The following WDPCP variants were observed in gnomAD, a reference collection of about 807,000 sequenced individuals.
WDPCP encodes WD repeat-containing and planar cell polarity effector protein fritz homolog.
A neutral mutation model predicts 93.1 loss-of-function variants in WDPCP; 71 were observed. The observed-to-expected ratio is 0.76, with a 90% CI of 0.63 to 0.93. WDPCP has a LOEUF of 0.93. Among genes scored for constraint, WDPCP ranks in the 40% least tolerant of loss-of-function variants. The probability of loss-of-function intolerance (pLI) is 0.00; values close to 1 mark genes in which losing one functional copy is unlikely to be tolerated. For missense variants in WDPCP, 844 were observed against 887.4 expected, an observed-to-expected ratio of 0.95 and a Z score of 0.62; for synonymous variants, 315 against 315.0, an observed-to-expected ratio of 1.00 and a Z score of 0.00.
At chr2:63,753,496 T>C (rs1427201724) in intron 2 of WDPCP, among the ~76,000 whole-genome samples, 1 of 152,162 alleles carries the variant, frequency 6.6e-6, no homozygotes, top group East Asian at 1.9e-4. Flanking sequence ...GAGGTTCAAC[T>C]GGCTCATGGT....
At chr2:63,280,132 G>A (rs1324765184) in intron 13 of WDPCP, among the ~76,000 whole-genome samples, 1 of 151,924 alleles carries the variant, frequency 6.6e-6, no homozygotes, top group Non-Finnish European at 1.5e-5. Context: ...GAATTCATAC[G>A]GAACCAAAAA....
At chr2:63,585,142 T>C (rs1246354055) in intron 1 of WDPCP, among the ~76,000 whole-genome samples, 2 of 152,206 alleles carry the variant, frequency 1.3e-5, no homozygotes, top group Non-Finnish European at 2.9e-5. Flanking sequence ...TAAGACATAG[T>C]AATAAAGTGG....
At chr2:63,810,271 T>C (rs1339374767) in intron 2 of WDPCP, among the ~76,000 whole-genome samples, 2 of 152,240 alleles carry the variant, frequency 1.3e-5, no homozygotes, top group African/African-American at 4.8e-5. Flanking sequence ...TACTTTCAAA[T>C]ATATACTCCA....
chr2:63,596,604 A>G (rs1709316096), intron 3 of WDPCP, among the ~76,000 whole-genome samples: 2 of 152,114 alleles, frequency 1.3e-5, no homozygotes, highest in African/African-American at 4.8e-5. Context: ...AGAGGAAGAT[A>G]ATTTTTTTTT....
intron 2 of WDPCP, among the ~76,000 whole-genome samples, chr2:63,684,008 T>C (rs1668769265): frequency 6.6e-6 from 1 of 152,138 alleles, no homozygotes; most frequent in Non-Finnish European, 1.5e-5. Flanking sequence ...AGATTAACCC[T>C]AATACAATGA....
chr2:63,183,281 C>T (rs1168813223), intron 14 of WDPCP, among the ~76,000 whole-genome samples: 2 of 151,852 alleles, frequency 1.3e-5, no homozygotes, highest in African/African-American at 2.4e-5. Flanking sequence ...ATAAACTTCC[C>T]TCTTAGCACT....
At chr2:63,798,209 T>C (rs776402934) in intron 2 of WDPCP, among the ~76,000 whole-genome samples, 76 of 152,114 alleles carry the variant, frequency 5.0e-4, no homozygotes, top group Non-Finnish European at 5.9e-4. Flanking sequence ...ACAATGTCAA[T>C]GAGTAATAAA....
chr2:63,676,300 T>A (rs1710403026), intron 2 of WDPCP, among the ~76,000 whole-genome samples: 1 of 152,140 alleles, frequency 6.6e-6, no homozygotes, highest in African/African-American at 2.4e-5. Flanking sequence ...TCTAAGTGCA[T>A]GAGAAGTTGA....
At chr2:63,277,313 A>C (rs1444172391) in intron 13 of WDPCP, among the ~76,000 whole-genome samples, 1 of 152,176 alleles carries the variant, frequency 6.6e-6, no homozygotes, top group African/African-American at 2.4e-5. Context: ...CATAACAATA[A>C]CACAATGGGA....
chr2:63,475,024 A>G (rs920214147), intron 6 of WDPCP, among the ~76,000 whole-genome samples: 4 of 152,242 alleles, frequency 2.6e-5, no homozygotes, highest in South Asian at 4.1e-4. Context: ...ATAATTTTAA[A>G]GAAAACCAGT....
At chr2:63,793,443 A>G (rs1246131766) in intron 2 of WDPCP, among the ~76,000 whole-genome samples, 1 of 152,146 alleles carries the variant, frequency 6.6e-6, no homozygotes, top group African/African-American at 2.4e-5. Flanking sequence ...TCCCATCTCT[A>G]TTAAAAACAG....
At chr2:63,650,702 C>T (rs781181782) in exon 3 of WDPCP, 1 of 152,046 alleles carries the variant, frequency 6.6e-6, no homozygotes, top group Non-Finnish European at 1.5e-5. Flanking sequence ...CCTGGAGGTC[C>T]TTCTTGGTAA....
intron 2 of WDPCP, among the ~76,000 whole-genome samples, chr2:63,807,507 C>T (rs1021307948): frequency 6.6e-6 from 1 of 152,204 alleles, no homozygotes; most frequent in East Asian, 1.9e-4. Flanking sequence ...ATATATCCTG[C>T]AGAACCATGA....
At chr2:63,522,860 A>C (rs913276189) in intron 1 of WDPCP, among the ~76,000 whole-genome samples, 1 of 152,206 alleles carries the variant, frequency 6.6e-6, no homozygotes, top group African/African-American at 2.4e-5. Context: ...AGACAGATTC[A>C]CTGCTAAATT....
intron 13 of WDPCP, among the ~76,000 whole-genome samples, chr2:63,311,033 T>G (rs1686146213): frequency 6.6e-6 from 1 of 152,234 alleles, no homozygotes; most frequent in Admixed American, 6.5e-5. Context: ...TTATATGGAA[T>G]GTAAGCCCCT....
At chr2:63,343,039 C>CT (rs1351326225) in intron 12 of WDPCP, among the ~76,000 whole-genome samples, 2 of 151,608 alleles carry the variant, frequency 1.3e-5, no homozygotes, top group African/African-American at 4.9e-5. Context: ...GAGTCTTACT[C>CT]TGTTACCCAG....
rs1395549285 is a variant in WDPCP, at chr2:63,588,298, T to G, written c.-27A>C. On this transcript the variant is annotated 5_prime_UTR_variant, in exon 1 of 18. Coordinates refer to ENST00000272321, the MANE Select transcript of WDPCP (RefSeq NM_015910.7). ...ACCAGACACTACCCCGGGCAGAAGG[T>G]TCCTAGGCTAGGTCCTCGGACCCGA... is the stretch of plus-strand genomic sequence containing the variant. 3.2e-6 allele frequency: 5 copies of G among 1,563,084 alleles called. No homozygotes were observed. Among genetic ancestry groups the G allele is most frequent in the African/African-American group, 1.4e-5 (1 of 73,238 alleles).
chr2:63,466,345 T>A (rs183705860), intron 6 of WDPCP, among the ~76,000 whole-genome samples: 120 of 152,294 alleles, frequency 7.9e-4, no homozygotes, highest in African/African-American at 2.7e-3. Context: ...ACATATAAAT[T>A]ACAATTTGGC....
In WDPCP at chr2:63,313,859, T is replaced by TAA. The variant is rs1285957562; in HGVS notation, c.1749-549_1749-548insTT. On this transcript the variant is annotated intron_variant, in intron 12 of 17. Transcript: ENST00000272321. ...GCAATACTAATTATTCATACATATATATATATATATATATATATATATATA... is the reference window on the plus strand; with the variant it reads ...GCAATACTAATTATTCATACATATATAAATATATATATATATATATATATATA... Among the ~76,000 whole-genome samples the TAA allele has an allele frequency of 3.1e-4, 11 of 35,574 alleles. 1 individual carries two copies. The East Asian group carries it at 8.9e-3, about 29-fold the overall frequency. 23.3% of individuals were successfully genotyped at this position (35,574 alleles called of 152,430 possible). A position where few individuals can be genotyped will look rare whatever the true frequency, so the allele number is the denominator to read the frequency against.
Sources: allele counts gnomAD v4.1 joint callset (sites outside exome capture counted in the v4.1 genomes callset), GRCh38; gene constraint gnomAD v4.1.1; transcripts MANE v1.5; gene names NCBI Gene and HGNC (gene_info 2026-07-23, HGNC 2026-07-21).